LRRIQ3: variants seen among roughly 807,000 people sequenced by gnomAD.
LRRIQ3 encodes leucine rich repeats and IQ motif containing 3, also known as leucine-rich repeat and IQ domain-containing protein 3.
A neutral mutation model predicts 59.3 loss-of-function variants in LRRIQ3; 75 were observed. The observed-to-expected ratio is 1.26, with a 90% CI of 1.05 to 1.53. The LOEUF (loss-of-function observed/expected upper bound fraction) is 1.53. LRRIQ3 is among the 40% of genes most tolerant of loss of function. The pLI, the probability that LRRIQ3 is intolerant of heterozygous loss-of-function variation, is 0.00. For missense variants in LRRIQ3, 831 were observed against 710.0 expected (o/e 1.17, Z -1.94); for synonymous variants, 250 against 231.3 (o/e 1.08, Z -0.73).
chr1:74,135,083 T>C (rs780469174), intron 4 of LRRIQ3, among the ~76,000 whole-genome samples: 1 of 151,888 alleles, frequency 6.6e-6, no homozygotes, highest in Non-Finnish European at 1.5e-5. Context: ...TAAGAGTGAC[T>C]ATAAGAAGCT....
chr1:74,182,163 T>C (rs1650018935), intron 3 of LRRIQ3: 1 of 152,278 alleles, frequency 6.6e-6, no homozygotes, highest in South Asian at 2.1e-4. Flanking sequence ...ATCAATTGTG[T>C]AAGAATTAAA....
intron 4 of LRRIQ3, among the ~76,000 whole-genome samples, chr1:74,141,754 A>G (rs1647263978): frequency 6.6e-6 from 1 of 151,892 alleles, no homozygotes; most frequent in Non-Finnish European, 1.5e-5. Flanking sequence ...AAAAAAACAC[A>G]AACAATATTA....
intron 3 of LRRIQ3, chr1:74,180,743 T>C: frequency 1.3e-6 from 2 of 1,550,360 alleles, no homozygotes; most frequent in Non-Finnish European, 1.7e-6. Context: ...ATTGGGTAAG[T>C]TCCTAAACCT....
At chr1:74,038,272 A>G (rs927476268) in intron 7 of LRRIQ3, among the ~76,000 whole-genome samples, 1 of 152,092 alleles carries the variant, frequency 6.6e-6, no homozygotes, top group Non-Finnish European at 1.5e-5. Context: ...CAGGAACTCC[A>G]ACAACTCCAG....
At chr1:74,063,503 T>A (rs558524501) in intron 6 of LRRIQ3, among the ~76,000 whole-genome samples, 1 of 152,122 alleles carries the variant, frequency 6.6e-6, no homozygotes, top group Non-Finnish European at 1.5e-5. Flanking sequence ...CCAATTCTTA[T>A]TGTTGCATTG....
At chr1:74,093,796 T>A (rs931472053) in intron 5 of LRRIQ3, among the ~76,000 whole-genome samples, 1 of 152,086 alleles carries the variant, frequency 6.6e-6, no homozygotes, top group Non-Finnish European at 1.5e-5. Flanking sequence ...CATTGCCAAC[T>A]GTCTTTTGGG....
At chr1:74,031,629 G>A (rs1376075620) in intron 7 of LRRIQ3, among the ~76,000 whole-genome samples, 1 of 134,762 alleles carries the variant, frequency 7.4e-6, no homozygotes, top group African/African-American at 2.7e-5. Context: ...AGGGGAGGGG[G>A]GAGGGATAGC....
At chr1:74,035,281 GTAGACA>G (rs201220287) in intron 7 of LRRIQ3, among the ~76,000 whole-genome samples, 5 of 151,872 alleles carry the variant, frequency 3.3e-5, no homozygotes, top group East Asian at 1.9e-4. Flanking sequence ...AGACATAGAA[GTAGACA>G]TAGACATAGA....
intron 4 of LRRIQ3, among the ~76,000 whole-genome samples, chr1:74,128,404 C>T (rs1167007046): frequency 1.3e-5 from 2 of 152,078 alleles, no homozygotes; most frequent in Non-Finnish European, 2.9e-5. Context: ...TTCAGTATCT[C>T]AATTGCATTT....
intron 6 of LRRIQ3, among the ~76,000 whole-genome samples, chr1:74,063,127 C>T (rs1452112943): frequency 2.0e-5 from 3 of 150,218 alleles, no homozygotes; most frequent in South Asian, 4.2e-4. Flanking sequence ...AACCAAACAA[C>T]AACAACAACA....
rs998444976 is a variant in LRRIQ3, at chr1:74,138,168, A to C, written c.707+17565T>G. ...CCTTTAAAAAAACAAACAAACAAAA[A>C]AAAAAAACAAAAAAACAAGGCCCTG... On this transcript the variant is annotated intron_variant, in intron 4 of 7. Transcript: ENST00000354431. Among the ~76,000 whole-genome samples, 74 of 151,950 alleles carry C rather than the reference A, an allele frequency of 4.9e-4. No individual in the cohort carries two copies. In the Middle Eastern group the frequency reaches 0.01, roughly 21 times the overall value.
chr1:74,041,019 G>A (rs1381800146), intron 7 of LRRIQ3, among the ~76,000 whole-genome samples, 194 bp downstream of exon 7: 1 of 151,590 alleles, frequency 6.6e-6, no homozygotes, highest in South Asian at 2.1e-4. Context: ...GTGGAGAGAT[G>A]GGGAAAGACA....
chr1:74,065,917 T>C (rs1286309644), intron 6 of LRRIQ3, among the ~76,000 whole-genome samples: 1 of 152,132 alleles, frequency 6.6e-6, no homozygotes, highest in African/African-American at 2.4e-5. Context: ...CAGGGCACAA[T>C]GGCTCATGCC....
At chr1:74,176,233 T>C (rs1425561775) in intron 3 of LRRIQ3, among the ~76,000 whole-genome samples, 2 of 152,160 alleles carry the variant, frequency 1.3e-5, no homozygotes, top group Admixed American at 6.5e-5. Context: ...TTCATTGTCA[T>C]AGAATTATGA....
chr1:74,067,374 T>C lies in LRRIQ3; in HGVS notation c.997+7287A>G, dbSNP rs190706447. Among the ~76,000 whole-genome samples the C allele has an allele frequency of 5.6e-4, 86 of 152,250 alleles. 1 individual carries two copies. The South Asian group carries it at 7.7e-3, about 14-fold the overall frequency. On this transcript the variant is annotated intron_variant, in intron 6 of 7. Coordinates refer to ENST00000354431, the MANE Select transcript of LRRIQ3 (RefSeq NM_001105659.2). ...TTCCTGAATTAATCCCTGATTCTGC[T>C]TTCCGTGTGGAGTTAGTTCTCTTGC...
intron 3 of LRRIQ3, among the ~76,000 whole-genome samples, chr1:74,164,071 T>C (rs190530414): frequency 1.3e-5 from 2 of 151,666 alleles, no homozygotes; most frequent in Admixed American, 1.3e-4. Context: ...TGGATTTTGT[T>C]CAATTTTTAA....
intron 1 of LRRIQ3, among the ~76,000 whole-genome samples, chr1:74,197,498 C>T (rs376339314): frequency 3.3e-5 from 5 of 152,186 alleles, no homozygotes; most frequent in South Asian, 2.1e-4. Flanking sequence ...CAAAAAAACA[C>T]CTAAAAAGGC....
At chr1:74,076,031 G>C (rs973380000) in intron 5 of LRRIQ3, among the ~76,000 whole-genome samples, 1 of 152,124 alleles carries the variant, frequency 6.6e-6, no homozygotes, top group African/African-American at 2.4e-5. Context: ...AAAGAATAAC[G>C]TATTTTGCTA....
chr1:74,132,344 G>A (rs1647037664), intron 4 of LRRIQ3, among the ~76,000 whole-genome samples: 1 of 151,294 alleles, frequency 6.6e-6, no homozygotes, highest in African/African-American at 2.4e-5. Context: ...AACTACCAAT[G>A]ACTTTCTTGG....
Sources: allele counts gnomAD v4.1 joint callset (sites outside exome capture counted in the v4.1 genomes callset), GRCh38; gene constraint gnomAD v4.1.1; transcripts MANE v1.5; gene names NCBI Gene and HGNC (gene_info 2026-07-23, HGNC 2026-07-21).